Variants in NPRL3 observed in about 807,000 individuals in gnomAD.
NPRL3 encodes NPR3 like, GATOR1 complex subunit.
In NPRL3, 23 loss-of-function variants were observed where a neutral mutation model predicts 57.2. The ratio of observed to expected loss-of-function variants is 0.40; its 90% CI spans 0.29 to 0.57. The LOEUF is 0.57. Among genes scored for constraint, NPRL3 ranks in the 20% least tolerant of loss-of-function variants. The pLI, the probability that NPRL3 is intolerant of heterozygous loss-of-function variation, is 0.42. For missense variants in NPRL3, 691 were observed against 767.1 expected (o/e 0.90, Z 1.17); for synonymous variants, 333 against 321.1 (o/e 1.04, Z -0.39).
At chr16:103,312 T>TC (rs1567136047) in intron 7 of NPRL3, among the ~76,000 whole-genome samples, 2 of 128,512 alleles carry the variant, frequency 1.6e-5, no homozygotes, top group Non-Finnish European at 3.3e-5. Context: ...TTTTTTTTTT[T>TC]TTTTTTTTTT....
intron 6 of NPRL3, among the ~76,000 whole-genome samples, chr16:111,174 C>A (rs563437514): frequency 3.3e-5 from 5 of 151,846 alleles, no homozygotes; most frequent in Admixed American, 3.3e-4. Context: ...CCGAGGCAGG[C>A]GGATCACAAG....
At position 132,726 on chromosome 16, in the gene NPRL3, G is replaced by A. The variant is rs1249032771; in HGVS notation, c.119-2135C>T. Among the ~76,000 whole-genome samples, 7 of 148,362 alleles carry A rather than the reference G, an allele frequency of 4.7e-5. No homozygotes were observed. In the South Asian group the frequency reaches 1.1e-3, roughly 22 times the overall value. On this transcript the variant is annotated intron_variant, in intron 2 of 13. Coordinates refer to ENST00000611875, the MANE Select transcript of NPRL3 (RefSeq NM_001077350.3). ...GCTCTGTCGCCCAGGCTGGAGTGCAGTGGCGGGATCTCGGCTCACTGCAAG... is the reference window on the plus strand; with the variant it reads ...GCTCTGTCGCCCAGGCTGGAGTGCAATGGCGGGATCTCGGCTCACTGCAAG...
Position 100,441 on chromosome 16 carries a change from TG to T in NPRL3, c.697del (p.His233ThrfsTer10). ...ACTGGAGGCCGCATAGTGGATCTTGTGGGGCAGGCAGAAGCTCACCTCCAGC... is the reference window on the plus strand; with the variant it reads ...ACTGGAGGCCGCATAGTGGATCTTGTGGGCAGGCAGAAGCTCACCTCCAGC... Reference protein sequence around the residue: ...SWLEVSFCLPHKIHYAASSLI... With the variant: ...SWLEVSFCLPXKIHYAASSLI... On this transcript the variant is annotated frameshift_variant, in exon 8 of 14. Transcript: ENST00000611875. LOFTEE classifies it high-confidence loss of function. 1 of 1,605,682 alleles carries T rather than the reference TG, an allele frequency of 6.2e-7. No homozygotes were observed. The highest frequency in any genetic ancestry group is 8.5e-7 in the Non-Finnish European group (1 of 1,176,986).
intron 3 of NPRL3, among the ~76,000 whole-genome samples, chr16:122,516 G>A (rs1056313845): frequency 3.9e-5 from 6 of 152,192 alleles, no homozygotes; most frequent in Admixed American, 3.3e-4. Context: ...AACAAGTGTT[G>A]TTTTGTTTTA....
At chr16:98,619 G>A (rs1899133821) in intron 8 of NPRL3, among the ~76,000 whole-genome samples, 1 of 152,228 alleles carries the variant, frequency 6.6e-6, no homozygotes, top group Non-Finnish European at 1.5e-5. Flanking sequence ...CGGGATTTGA[G>A]AAAAGGGCAG....
Position 86,800 on chromosome 16 carries a change from G to T in NPRL3, c.1615C>A (p.Gln539Lys). The T allele has an allele frequency of 6.2e-7, 1 of 1,611,880 alleles. No individual in the cohort carries two copies. Among genetic ancestry groups the T allele is most frequent in the Non-Finnish European group, 8.5e-7 (1 of 1,179,150 alleles). Residue 539 changes from glutamine to lysine, a missense_variant, in exon 14 of 14, where the codon CAG becomes AAG. Gln to Lys is a moderately conservative substitution (Grantham distance 53, BLOSUM62 1). Transcript: ENST00000611875. The part of the protein sequence containing the change: ...IMYNENTRRS[Q>K]LLMLFDKFRS... The stretch of plus-strand genomic sequence containing the variant: ...AACTTGTCAAACAGCATGAGCAGCT[G>T]GGAGCGCCGCGTGTTCTCGTTGTAC...
At chr16:104,203 G>C (rs1596513492) in intron 7 of NPRL3, among the ~76,000 whole-genome samples, 1 of 151,650 alleles carries the variant, frequency 6.6e-6, no homozygotes, top group Middle Eastern at 3.4e-3. Flanking sequence ...TGAGGCAGGA[G>C]AATCACTTGA....
At chr16:117,536 C>T (rs1402327270) in intron 4 of NPRL3, among the ~76,000 whole-genome samples, 161 bp from the exon 5 acceptor site, 1 of 152,252 alleles carries the variant, frequency 6.6e-6, no homozygotes, top group Non-Finnish European at 1.5e-5. Context: ...ACTGCATGGG[C>T]AAAGTCACAA....
At position 86,652 on chromosome 16, in the gene NPRL3, A is replaced by C; in HGVS notation, c.*53T>G. The stretch of plus-strand genomic sequence containing the variant: ...GCACGGGGGGAGCCCTGGGGTGGGG[A>C]GACGCGAGCGCCCACCTGCGCACCC... On this transcript the variant is annotated 3_prime_UTR_variant, in exon 14 of 14. Transcript: ENST00000611875. 1 of 1,494,920 alleles carries C rather than the reference A, an allele frequency of 6.7e-7. No individual in the cohort carries two copies. The highest frequency in any genetic ancestry group is 1.2e-5 in the South Asian group (1 of 80,960). The allele number at this position is 1,494,920 out of a possible 1,614,324, so 92.6% of individuals were successfully genotyped here.
chr16:112,410 C>A (rs147917782), intron 6 of NPRL3, among the ~76,000 whole-genome samples: 1 of 152,316 alleles, frequency 6.6e-6, no homozygotes, highest in East Asian at 1.9e-4. Context: ...CACTGCCTAG[C>A]GAAGCTGTTG....
In NPRL3 at chr16:86,649, G is replaced by C. The variant is rs945538529; in HGVS notation, c.*56C>G. On this transcript the variant is annotated 3_prime_UTR_variant, in exon 14 of 14. Coordinates refer to ENST00000611875, the MANE Select transcript of NPRL3 (RefSeq NM_001077350.3). The stretch of plus-strand genomic sequence containing the variant: ...TCAGCACGGGGGGAGCCCTGGGGTG[G>C]GGAGACGCGAGCGCCCACCTGCGCA... 5 of 1,488,570 alleles carry C rather than the reference G, an allele frequency of 3.4e-6. No homozygotes were observed. The highest frequency in any genetic ancestry group is 4.5e-6 in the Non-Finnish European group (5 of 1,108,714). The allele number at this position is 1,488,570 out of a possible 1,614,324, so 92.2% of individuals were successfully genotyped here. A position where few individuals can be genotyped will look rare whatever the true frequency, so the allele number is the denominator to read the frequency against.
chr16:115,101 G>C (rs978017925), intron 5 of NPRL3, among the ~76,000 whole-genome samples: 1 of 151,362 alleles, frequency 6.6e-6, no homozygotes, highest in Non-Finnish European at 1.5e-5. Context: ...CAGCCTCCCA[G>C]GTAGCTGGGA....
chr16:112,726 C>T lies in NPRL3; in HGVS notation c.443G>A (p.Arg148His), dbSNP rs1470708324. ...CTCGTGCTGCAGCACGGTGGCGATA[C>T]GACGGGACAGGTTATGCAGACAGTT... ...VINCLHNLSR[R>H]IATVLQHEER... The change falls in exon 6 of 14, where the codon CGT becomes CAT. Residue 148 changes from arginine (R) to histidine (H), a missense_variant. Transcript: ENST00000611875. 2 of 1,611,954 alleles carry T rather than the reference C, an allele frequency of 1.2e-6. No individual in the cohort carries two copies. The highest frequency in any genetic ancestry group is 1.7e-6 in the Non-Finnish European group (2 of 1,178,848).
chr16:127,136 T>C (rs1657472219), intron 3 of NPRL3: 1 of 152,498 alleles, frequency 6.6e-6, no homozygotes, highest in Non-Finnish European at 1.5e-5. Flanking sequence ...TCTCCCAAAG[T>C]GCTGGGATTA....
chr16:103,024 T>C (rs192659835), intron 7 of NPRL3, among the ~76,000 whole-genome samples: 213 of 152,140 alleles, frequency 1.4e-3, no homozygotes, highest in African/African-American at 4.8e-3. Flanking sequence ...GAGTAAGCAA[T>C]AGTTAGGATC....
intron 3 of NPRL3, among the ~76,000 whole-genome samples, chr16:127,528 C>T (rs556804444): frequency 6.6e-6 from 1 of 152,292 alleles, no homozygotes; most frequent in African/African-American, 2.4e-5. Context: ...AGCTACCGCT[C>T]CCGGCCCCAA....
At chr16:102,719 G>T (rs1899351678) in intron 7 of NPRL3, among the ~76,000 whole-genome samples, 1 of 152,180 alleles carries the variant, frequency 6.6e-6, no homozygotes. Context: ...GCTGCCCCAG[G>T]CCAGAAGGTA....
At chr16:117,261 G>A in intron 5 of NPRL3, 40 bp downstream of exon 5, 2 of 1,394,832 alleles carry the variant, frequency 1.4e-6, no homozygotes, top group Non-Finnish European at 2.0e-6. Flanking sequence ...TTCTCCACTG[G>A]CCCCACTCCC....
intron 11 of NPRL3, among the ~76,000 whole-genome samples, chr16:92,238 C>T (rs529066403): frequency 2.6e-5 from 4 of 152,220 alleles, no homozygotes; most frequent in Non-Finnish European, 5.9e-5. Flanking sequence ...GCACCCTCAT[C>T]TGTAGGCAGT....
Sources: allele counts gnomAD v4.1 joint callset (sites outside exome capture counted in the v4.1 genomes callset), GRCh38; gene constraint gnomAD v4.1.1; transcripts MANE v1.5; gene names NCBI Gene and HGNC (gene_info 2026-07-23, HGNC 2026-07-21).